Variants in DAB1 observed in about 807,000 individuals in gnomAD.
The protein encoded by DAB1 is DAB adaptor protein 1, also known as disabled homolog 1.
Under a neutral mutation model 64.6 loss-of-function variants are expected in DAB1, and 15 were observed. The observed-to-expected ratio is 0.23, with a 90% CI of 0.16 to 0.36. The LOEUF is 0.36. DAB1 is among the 10% of genes least tolerant of loss of function. DAB1 has a pLI of 1.00. For synonymous variants in DAB1, 235 were observed against 251.9 expected, an observed-to-expected ratio of 0.93 and a Z score of 0.64; for missense variants, 596 against 706.7, an observed-to-expected ratio of 0.84 and a Z score of 1.78.
At chr1:57,852,466 T>A (rs1289774147) in intron 1 of DAB1, among the ~76,000 whole-genome samples, 1 of 152,072 alleles carries the variant, frequency 6.6e-6, no homozygotes, top group African/African-American at 2.4e-5. Flanking sequence ...TCAGGAGGAA[T>A]CCTAGGAGCT....
chr1:57,837,408 G>C (rs1652855359), intron 1 of DAB1, among the ~76,000 whole-genome samples: 1 of 152,106 alleles, frequency 6.6e-6, no homozygotes, highest in East Asian at 1.9e-4. Context: ...CATCCAGGTT[G>C]TGTTTCTTTG....
At chr1:58,300,628 GAGAGAGAGAGAGAGAGAGAGGA>G (rs1662125363) in intron 4 of DAB1, among the ~76,000 whole-genome samples, 2 of 54,284 alleles carry the variant, frequency 3.7e-5, no homozygotes, top group African/African-American at 5.9e-5. Flanking sequence ...GAGAGAGAGA[GAGAGAGAGAGAGAGAGAGAGGA>G]AGGAAGGAAG....
chr1:57,839,313 T>C (rs545811268), intron 1 of DAB1, among the ~76,000 whole-genome samples: 1 of 152,328 alleles, frequency 6.6e-6, no homozygotes, highest in South Asian at 2.1e-4. Flanking sequence ...ACTTTGACAG[T>C]TCTCAGCCAT....
chr1:57,801,814 C>A (rs1466373220), intron 6 of DAB1, among the ~76,000 whole-genome samples: 1 of 152,158 alleles, frequency 6.6e-6, no homozygotes, highest in Non-Finnish European at 1.5e-5. Context: ...CGTGCCACCA[C>A]ACCCAGCTAA....
At chr1:57,512,290 C>T (rs774136633) in intron 7 of DAB1, among the ~76,000 whole-genome samples, 1 of 152,132 alleles carries the variant, frequency 6.6e-6, no homozygotes, top group Admixed American at 6.5e-5. Flanking sequence ...GATCTAGCAT[C>T]CTACTAGGCA....
chr1:58,182,631 T>C (rs962696631), intron 4 of DAB1, among the ~76,000 whole-genome samples: 5 of 151,980 alleles, frequency 3.3e-5, no homozygotes, highest in Non-Finnish European at 7.4e-5. Flanking sequence ...AGAACTTCCA[T>C]TTGGTTCTTT....
chr1:57,073,650 C>G (rs947524100), intron 4 of DAB1, among the ~76,000 whole-genome samples: 1 of 152,048 alleles, frequency 6.6e-6, no homozygotes, highest in Admixed American at 6.6e-5. Context: ...ACACAAGGCA[C>G]CCACTGTACC....
At chr1:58,166,819 C>T (rs544546095) in intron 4 of DAB1, among the ~76,000 whole-genome samples, 1 of 149,692 alleles carries the variant, frequency 6.7e-6, no homozygotes, top group African/African-American at 2.5e-5. Context: ...GTGACATCAT[C>T]ACTGCAACCT....
chr1:58,172,071 C>T (rs1391988236), intron 4 of DAB1, among the ~76,000 whole-genome samples: 1 of 152,074 alleles, frequency 6.6e-6, no homozygotes, highest in East Asian at 1.9e-4. Flanking sequence ...ATAGCCAGGC[C>T]CCTTTATACT....
At chr1:57,682,369 TA>T (rs928218567) in intron 6 of DAB1, among the ~76,000 whole-genome samples, 1 of 148,008 alleles carries the variant, frequency 6.8e-6, no homozygotes, top group Non-Finnish European at 1.5e-5. Context: ...AAAAAGCAGA[TA>T]AAAGACAAGA....
chr1:58,198,293 A>G (rs1377244947), intron 4 of DAB1, among the ~76,000 whole-genome samples: 4 of 152,370 alleles, frequency 2.6e-5, no homozygotes, highest in East Asian at 1.9e-4. Context: ...GAAATAGTCA[A>G]TGGAAAGAGT....
intron 5 of DAB1, among the ~76,000 whole-genome samples, chr1:58,066,895 T>A (rs1167263819): frequency 6.6e-6 from 1 of 152,172 alleles, no homozygotes; most frequent in Non-Finnish European, 1.5e-5. Context: ...CTGAATACCT[T>A]CAGCGACTCT....
chr1:57,811,152 T>C (rs1184644849), intron 6 of DAB1, among the ~76,000 whole-genome samples: 4 of 152,260 alleles, frequency 2.6e-5, no homozygotes, highest in Non-Finnish European at 5.9e-5. Context: ...GTAAGATCCT[T>C]AACTTAATCA....
At chr1:58,538,344 C>A (rs1646550376) in intron 1 of DAB1, among the ~76,000 whole-genome samples, 2 of 152,166 alleles carry the variant, frequency 1.3e-5, no homozygotes, top group South Asian at 4.1e-4. Flanking sequence ...TGAGCCCACC[C>A]TTATATAAGC....
At chr1:57,743,331 C>A (rs1402504548) in intron 6 of DAB1, among the ~76,000 whole-genome samples, 1 of 152,192 alleles carries the variant, frequency 6.6e-6, no homozygotes, top group Non-Finnish European at 1.5e-5. Context: ...TAAGAAGGTT[C>A]TTTGTAATTC....
intron 4 of DAB1, among the ~76,000 whole-genome samples, chr1:58,190,929 G>A (rs1657356939): frequency 6.6e-6 from 1 of 152,100 alleles, no homozygotes; most frequent in Non-Finnish European, 1.5e-5. Flanking sequence ...CGCATGGGTG[G>A]AGGAAAGGGG....
chr1:57,820,798 C>T (rs1365163419), intron 6 of DAB1, among the ~76,000 whole-genome samples: 2 of 152,124 alleles, frequency 1.3e-5, no homozygotes, highest in Non-Finnish European at 2.9e-5. Context: ...CTGGTTTAGT[C>T]CCCTTTCTGT....
intron 2 of DAB1, among the ~76,000 whole-genome samples, chr1:57,207,059 C>T (rs895723238): frequency 2.0e-5 from 3 of 148,878 alleles, no homozygotes; most frequent in South Asian, 2.2e-4. Flanking sequence ...ACCTCCGCCT[C>T]CCAGGTTCAA....
intron 5 of DAB1, among the ~76,000 whole-genome samples, chr1:57,976,393 A>C (rs1645920776): frequency 6.6e-6 from 1 of 152,224 alleles, no homozygotes; most frequent in Admixed American, 6.5e-5. Flanking sequence ...TTAAAATTTC[A>C]AACTGCTGTA....
Sources: allele counts gnomAD v4.1 joint callset (sites outside exome capture counted in the v4.1 genomes callset), GRCh38; gene constraint gnomAD v4.1.1; transcripts MANE v1.5; gene names NCBI Gene and HGNC (gene_info 2026-07-23, HGNC 2026-07-21).